Variants in BMERB1 observed in about 807,000 individuals in gnomAD.
The protein encoded by BMERB1 is bMERB domain containing 1, also known as bMERB domain-containing protein 1.
In BMERB1, 12 loss-of-function variants were observed where a neutral mutation model predicts 23.6. The observed-to-expected ratio is 0.51, with a 90% CI of 0.33 to 0.82. The LOEUF (loss-of-function observed/expected upper bound fraction) is 0.82. BMERB1 is among the 40% of genes least tolerant of loss of function. The pLI, the probability that BMERB1 is intolerant of heterozygous loss-of-function variation, is 0.03. For synonymous variants in BMERB1, 122 were observed against 96.6 expected (o/e 1.26, Z -1.54); for missense variants, 247 against 255.4 (o/e 0.97, Z 0.22).
At chr16:15,556,075 A>G (rs893963229) in intron 2 of BMERB1, among the ~76,000 whole-genome samples, 1 of 151,926 alleles carries the variant, frequency 6.6e-6, no homozygotes, top group African/African-American at 2.4e-5. Context: ...GCTACTTGGG[A>G]GGCTGAGGCA....
chr16:15,540,759 G>A (rs922680450), intron 2 of BMERB1, among the ~76,000 whole-genome samples: 8 of 152,188 alleles, frequency 5.3e-5, no homozygotes, highest in Non-Finnish European at 1.0e-4. Context: ...CAGGGTCTGT[G>A]TCCCAGCGGA....
intron 3 of BMERB1, among the ~76,000 whole-genome samples, chr16:15,569,462 C>T (rs2150972711): frequency 6.6e-6 from 1 of 152,246 alleles, no homozygotes; most frequent in African/African-American, 2.4e-5. Flanking sequence ...CTCACTATCA[C>T]AAGGACAGTA....
At chr16:15,510,831 A>G (rs2051655421) in intron 1 of BMERB1, among the ~76,000 whole-genome samples, 1 of 151,968 alleles carries the variant, frequency 6.6e-6, no homozygotes, top group African/African-American at 2.4e-5. Context: ...TCTCCCAAGC[A>G]GCTGGGATTA....
chr16:15,504,499 G>A (rs933745111), intron 1 of BMERB1, among the ~76,000 whole-genome samples: 5 of 150,744 alleles, frequency 3.3e-5, no homozygotes, highest in Admixed American at 1.3e-4. Context: ...CTAGGCTGGA[G>A]TGCAGTGGCA....
chr16:15,523,641 T>C (rs2051878400), intron 2 of BMERB1, among the ~76,000 whole-genome samples: 2 of 152,198 alleles, frequency 1.3e-5, no homozygotes, highest in Admixed American at 6.5e-5. Flanking sequence ...GCAAATACTT[T>C]GTCCTGTTTC....
intron 1 of BMERB1, among the ~76,000 whole-genome samples, chr16:15,507,418 G>A (rs1266027632): frequency 6.6e-6 from 1 of 152,192 alleles, no homozygotes; most frequent in Non-Finnish European, 1.5e-5. Flanking sequence ...GGGATGGGAA[G>A]ATGGATTTAG....
In BMERB1 at chr16:15,588,060, TAAAAA is replaced by T. The variant is rs10706909; in HGVS notation, c.*1241_*1245del. The T allele has an allele frequency of 4.0e-5, 6 of 149,790 alleles. No individual in the cohort carries two copies. Among genetic ancestry groups the T allele is most frequent in the Non-Finnish European group, 3.0e-5 (2 of 67,350 alleles). The allele number at this position is 149,790 out of a possible 1,614,324, so 9.3% of individuals were successfully genotyped here. On this transcript the variant is annotated 3_prime_UTR_variant, in exon 6 of 6. Coordinates refer to ENST00000300006, the MANE Select transcript of BMERB1 (RefSeq NM_033201.3). ...ACAAAAAGTATGAAGAAGTTTGTCT[TAAAAA>T]AAAAAAAAATTATTCCTCCAACTAG...
chr16:15,520,916 T>A (rs1279657030), intron 2 of BMERB1, among the ~76,000 whole-genome samples: 1 of 152,182 alleles, frequency 6.6e-6, no homozygotes. Flanking sequence ...ATCAAAGAAC[T>A]GAAACTCACC....
chr16:15,486,670 A>C (rs1261131596), intron 1 of BMERB1, among the ~76,000 whole-genome samples: 3 of 152,230 alleles, frequency 2.0e-5, no homozygotes, highest in African/African-American at 4.8e-5. Flanking sequence ...TGTATGTTAC[A>C]CAGTGATATC....
chr16:15,500,418 G>A (rs557438225), intron 1 of BMERB1, among the ~76,000 whole-genome samples: 1 of 152,308 alleles, frequency 6.6e-6, no homozygotes, highest in African/African-American at 2.4e-5. Context: ...TAGGCTGCCA[G>A]GGGCTGGAGG....
intron 2 of BMERB1, among the ~76,000 whole-genome samples, chr16:15,559,211 A>G (rs919934226): frequency 6.6e-6 from 1 of 152,188 alleles, no homozygotes; most frequent in Admixed American, 6.5e-5. Context: ...ATTGGCCCAG[A>G]GTAGATGTCA....
At chr16:15,458,688 G>A (rs1229541480) in intron 1 of BMERB1, among the ~76,000 whole-genome samples, 1 of 148,492 alleles carries the variant, frequency 6.7e-6, no homozygotes, top group Admixed American at 6.8e-5. Context: ...CTGCACTCCA[G>A]CCTGGGCAAC....
intron 2 of BMERB1, among the ~76,000 whole-genome samples, chr16:15,546,388 C>T (rs563406476): frequency 3.3e-4 from 49 of 148,058 alleles, no homozygotes; most frequent in African/African-American, 1.3e-3. Context: ...TGATTTTTTT[C>T]CAAGAGCATT....
At chr16:15,500,603 T>C (rs1371092092) in intron 1 of BMERB1, among the ~76,000 whole-genome samples, 1 of 152,186 alleles carries the variant, frequency 6.6e-6, no homozygotes, top group African/African-American at 2.4e-5. Flanking sequence ...AACAATGACT[T>C]GGGACTTGGG....
chr16:15,500,122 T>C (rs2051514089), intron 1 of BMERB1, among the ~76,000 whole-genome samples: 1 of 151,902 alleles, frequency 6.6e-6, no homozygotes, highest in Non-Finnish European at 1.5e-5. Flanking sequence ...TGCTGTGGAG[T>C]CCCCTCCACA....
intron 2 of BMERB1, among the ~76,000 whole-genome samples, chr16:15,562,705 A>G (rs1343349119): frequency 5.9e-5 from 9 of 152,128 alleles, no homozygotes; most frequent in Admixed American, 2.0e-4. Context: ...GGCATTGCCA[A>G]ATGTTCCTGG....
chr16:15,454,382 A>C (rs554411796), intron 1 of BMERB1, among the ~76,000 whole-genome samples: 1 of 152,356 alleles, frequency 6.6e-6, no homozygotes, highest in Admixed American at 6.5e-5. Flanking sequence ...CGAGGAAGAC[A>C]GAGTTGCTTC....
intron 1 of BMERB1, among the ~76,000 whole-genome samples, chr16:15,464,836 G>A (rs2051168090): frequency 6.6e-6 from 1 of 152,138 alleles, no homozygotes; most frequent in Non-Finnish European, 1.5e-5. Flanking sequence ...TGTTTTATCA[G>A]TGGGGTCTTT....
intron 3 of BMERB1, among the ~76,000 whole-genome samples, chr16:15,571,767 G>A (rs972091802): frequency 1.2e-4 from 18 of 151,862 alleles, no homozygotes; most frequent in South Asian, 2.1e-4. Context: ...ATCCTAACAG[G>A]TAGGGGACTA....
Sources: allele counts gnomAD v4.1 joint callset (sites outside exome capture counted in the v4.1 genomes callset), GRCh38; gene constraint gnomAD v4.1.1; transcripts MANE v1.5; gene names NCBI Gene and HGNC (gene_info 2026-07-23, HGNC 2026-07-21).